The following PRR16 variants were observed in gnomAD, a reference collection of about 807,000 sequenced individuals.
PRR16 encodes protein Largen.
In PRR16, 6 loss-of-function variants were observed where a neutral mutation model predicts 18.2. The observed-to-expected ratio is 0.33, with a 90% CI of 0.18 to 0.65. PRR16 has a LOEUF of 0.65. Among genes scored for constraint, PRR16 ranks in the 30% least tolerant of loss-of-function variants. The probability of loss-of-function intolerance (pLI) is 0.74; values close to 1 mark genes in which losing one functional copy is unlikely to be tolerated. For missense variants in PRR16, 412 were observed against 376.6 expected, an observed-to-expected ratio of 1.09 and a Z score of -0.78; for synonymous variants, 151 against 147.8, an observed-to-expected ratio of 1.02 and a Z score of -0.16.
intron 1 of PRR16, among the ~76,000 whole-genome samples, chr5:120,545,614 A>G (rs300963): frequency 0.96 from 145,692 of 152,088 alleles, 70,082 homozygotes; most frequent in East Asian, 1. Context: ...AAAATGTTGC[A>G]TGGTGTATTT....
chr5:120,642,307 G>A (rs913337998), intron 1 of PRR16, among the ~76,000 whole-genome samples: 14 of 151,674 alleles, frequency 9.2e-5, no homozygotes, highest in Admixed American at 1.3e-4. Flanking sequence ...TTTATAGTGG[G>A]CAGAAACCTC....
At chr5:120,486,022 G>A (rs1749788344) in intron 1 of PRR16, among the ~76,000 whole-genome samples, 1 of 152,108 alleles carries the variant, frequency 6.6e-6, no homozygotes, top group Admixed American at 6.6e-5. Context: ...GTGTATATGT[G>A]CCACATTTTC....
chr5:120,686,185 C>A lies in PRR16; in HGVS notation c.391C>A (p.Pro131Thr), dbSNP rs758786795. Residue 131 changes from proline (P) to threonine (T), a missense_variant, in exon 2 of 2, where the codon CCT becomes ACT. By Grantham distance (38) the Pro-to-Thr change is conservative. Coordinates refer to ENST00000407149, the MANE Select transcript of PRR16 (RefSeq NM_001300783.2). Reference sequence around the variant, plus strand: ...TCCACCACCTCCTCCAAGGTTGACACCTGTGAAGTGTGAAGACCCCAAAAG... The same window carrying A: ...TCCACCACCTCCTCCAAGGTTGACAACTGTGAAGTGTGAAGACCCCAAAAG... Reference protein sequence around the residue: ...NPPPPPPRLTPVKCEDPKRVV... With the variant: ...NPPPPPPRLTTVKCEDPKRVV... 2 of 1,614,170 alleles carry A rather than the reference C, an allele frequency of 1.2e-6. No individual in the cohort carries two copies. The highest frequency in any genetic ancestry group is 1.7e-6 in the Non-Finnish European group (2 of 1,180,030).
the PRR16 span, among the ~76,000 whole-genome samples, chr5:120,712,646 G>T: frequency 6.6e-6 from 1 of 151,854 alleles, no homozygotes; most frequent in Non-Finnish European, 1.5e-5. Context: ...TTTTAAAATG[G>T]GAAAAGGATC....
intron 1 of PRR16, among the ~76,000 whole-genome samples, chr5:120,683,229 C>T (rs751617560): frequency 1.3e-5 from 2 of 152,060 alleles, no homozygotes; most frequent in African/African-American, 2.4e-5. Context: ...GGTTGTTAAA[C>T]ACAACAGTTA....
chr5:120,668,921 C>T (rs111290380), intron 1 of PRR16, among the ~76,000 whole-genome samples: 1,544 of 152,140 alleles, frequency 0.01, 32 homozygotes, highest in African/African-American at 0.035. Context: ...GGGAATAACG[C>T]GTCCGCATCA....
intron 1 of PRR16, among the ~76,000 whole-genome samples, chr5:120,553,928 T>G (rs965829595): frequency 6.6e-6 from 1 of 151,890 alleles, no homozygotes; most frequent in African/African-American, 2.4e-5. Flanking sequence ...TCTACTTAAG[T>G]CTAACTGCCA....
At chr5:120,709,575 A>T in the PRR16 span, among the ~76,000 whole-genome samples, 1 of 151,906 alleles carries the variant, frequency 6.6e-6, no homozygotes, top group African/African-American at 2.4e-5. Flanking sequence ...CAAACACTAG[A>T]TCTTATTCTT....
intron 1 of PRR16, among the ~76,000 whole-genome samples, chr5:120,656,035 A>C (rs992125420): frequency 4.6e-5 from 7 of 151,794 alleles, no homozygotes; most frequent in African/African-American, 1.7e-4. Context: ...GGTGGTGCCA[A>C]ATTCCAACTG....
At chr5:120,528,164 A>T (rs2112661854) in intron 1 of PRR16, among the ~76,000 whole-genome samples, 1 of 152,328 alleles carries the variant, frequency 6.6e-6, no homozygotes, top group East Asian at 1.9e-4. Flanking sequence ...GCTGTGGCAC[A>T]TTCTAAAAGG....
the PRR16 span, among the ~76,000 whole-genome samples, chr5:120,723,112 G>A: frequency 2.6e-5 from 4 of 151,700 alleles, no homozygotes; most frequent in Middle Eastern, 3.2e-3. Flanking sequence ...CGCTTTTGTA[G>A]CAATACCATC....
intron 1 of PRR16, among the ~76,000 whole-genome samples, chr5:120,590,639 CA>C (rs1253573940): frequency 6.6e-6 from 1 of 152,026 alleles, no homozygotes; most frequent in Non-Finnish European, 1.5e-5. Context: ...AGAAGTTAGA[CA>C]AATCCTGGTT....
At chr5:120,702,249 T>G in the PRR16 span, among the ~76,000 whole-genome samples, 1 of 66,340 alleles carries the variant, frequency 1.5e-5, no homozygotes, top group Non-Finnish European at 3.3e-5. Context: ...AAATAAGGGG[T>G]CGGGGCACGG....
intron 1 of PRR16, among the ~76,000 whole-genome samples, chr5:120,585,695 T>TG (rs1233749236): frequency 6.6e-6 from 1 of 151,818 alleles, no homozygotes; most frequent in Non-Finnish European, 1.5e-5. Flanking sequence ...TAATTTTTTT[T>TG]GTCTCCCATA....
At chr5:120,510,247 GTATT>G (rs1750786583) in intron 1 of PRR16, among the ~76,000 whole-genome samples, 1 of 152,138 alleles carries the variant, frequency 6.6e-6, no homozygotes. Flanking sequence ...TGTGGGCAAA[GTATT>G]TATGATTGGC....
the PRR16 span, among the ~76,000 whole-genome samples, chr5:120,745,669 G>A: frequency 6.7e-6 from 1 of 149,640 alleles, no homozygotes; most frequent in Non-Finnish European, 1.5e-5. Flanking sequence ...TTTTGTTTTA[G>A]CCTTGTATTT....
rs370210817 is a variant in PRR16, at chr5:120,577,172, C to G, written c.160-108782C>G. ...ACATATATATCATGATATAGCCAAA[C>G]AAAATCAATATGTGTTCTAAGGATG... On this transcript the variant is annotated intron_variant, in intron 1 of 1. Transcript: ENST00000407149. Among the ~76,000 whole-genome samples, 540 of 151,960 alleles carry G rather than the reference C, an allele frequency of 3.6e-3. 4 individuals carry two copies. Among genetic ancestry groups the G allele is most frequent in the African/African-American group, 0.012 (505 of 41,428 alleles).
chr5:120,631,840 G>T (rs545659586), intron 1 of PRR16, among the ~76,000 whole-genome samples: 8 of 152,152 alleles, frequency 5.3e-5, no homozygotes, highest in Admixed American at 3.3e-4. Flanking sequence ...TACTTAACCA[G>T]TTGTCCCTAG....
At chr5:120,505,946 GTATA>G (rs10635515) in intron 1 of PRR16, among the ~76,000 whole-genome samples, 9,533 of 141,210 alleles carry the variant, frequency 0.068, 676 homozygotes, top group African/African-American at 0.18. Context: ...GTGTGTGTGT[GTATA>G]TATATATATA....
Sources: gnomAD v4.1 joint callset for allele counts (sites outside exome capture counted in the v4.1 genomes callset) on GRCh38, gnomAD v4.1.1 for gene constraint, MANE v1.5 for transcripts, NCBI Gene and HGNC (gene_info 2026-07-23, HGNC 2026-07-21) for gene names.